The following FHIT variants were observed in gnomAD, a reference collection of about 807,000 sequenced individuals.
The protein encoded by FHIT is fragile histidine triad diadenosine triphosphatase, also known as bis(5'-adenosyl)-triphosphatase.
Under a neutral mutation model 17.9 loss-of-function variants are expected in FHIT, and 19 were observed. That is an observed-to-expected ratio of 1.06 (90% confidence interval 0.74 to 1.56). The LOEUF (loss-of-function observed/expected upper bound fraction) is 1.56, where lower values mean the gene tolerates loss of function less well. Among genes scored for constraint, FHIT ranks in the 40% most tolerant of loss-of-function variants. The pLI is 0.00. For synonymous variants in FHIT, 81 were observed against 69.7 expected, an observed-to-expected ratio of 1.16 and a Z score of -0.81; for missense variants, 248 against 189.2, an observed-to-expected ratio of 1.31 and a Z score of -1.82.
intron 1 of FHIT, among the ~76,000 whole-genome samples, chr3:61,206,500 G>C (rs1002611560): frequency 2.6e-4 from 40 of 152,134 alleles, no homozygotes; most frequent in African/African-American, 7.7e-4. Flanking sequence ...TCATTGAGCA[G>C]TGGTTTGTAG....
At chr3:60,228,819 G>A (rs1345296203) in intron 5 of FHIT, among the ~76,000 whole-genome samples, 3 of 152,176 alleles carry the variant, frequency 2.0e-5, no homozygotes, top group Admixed American at 6.5e-5. Flanking sequence ...GCAGAATGAA[G>A]GGGACTGGTT....
chr3:61,096,186 C>T (rs2035632632), intron 2 of FHIT, among the ~76,000 whole-genome samples: 1 of 152,142 alleles, frequency 6.6e-6, no homozygotes, highest in African/African-American at 2.4e-5. Context: ...TGATGCTGTG[C>T]AAGGAAGTTA....
chr3:60,110,081 A>G (rs1414417467), intron 5 of FHIT, among the ~76,000 whole-genome samples: 1 of 152,138 alleles, frequency 6.6e-6, no homozygotes, highest in Non-Finnish European at 1.5e-5. Context: ...TATAAAGGAA[A>G]CAGGAAACCT....
intron 5 of FHIT, among the ~76,000 whole-genome samples, chr3:60,369,730 G>C (rs947432961): frequency 6.6e-6 from 1 of 152,038 alleles, no homozygotes; most frequent in Non-Finnish European, 1.5e-5. Flanking sequence ...CACTGGCTGC[G>C]ACAGGACTCC....
intron 5 of FHIT, among the ~76,000 whole-genome samples, chr3:60,185,215 CCATTTA>C (rs1412124805): frequency 1.3e-5 from 2 of 151,980 alleles, no homozygotes; most frequent in Non-Finnish European, 2.9e-5. Context: ...CAGGTATCCA[CCATTTA>C]CAGCGTCAAA....
At chr3:61,062,600 A>G (rs540245579) in intron 2 of FHIT, among the ~76,000 whole-genome samples, 1 of 152,322 alleles carries the variant, frequency 6.6e-6, no homozygotes, top group African/African-American at 2.4e-5. Flanking sequence ...GACATTGAGA[A>G]TGGTTTCCCA....
intron 3 of FHIT, among the ~76,000 whole-genome samples, chr3:60,904,720 T>C (rs1236597721): frequency 6.6e-6 from 1 of 151,900 alleles, no homozygotes; most frequent in Non-Finnish European, 1.5e-5. Flanking sequence ...GGTGGGTGGA[T>C]CACAAGGTCA....
chr3:60,121,321 T>C (rs1224801518), intron 5 of FHIT, among the ~76,000 whole-genome samples: 1 of 152,158 alleles, frequency 6.6e-6, no homozygotes. Context: ...CAATCCAATA[T>C]AGTTTCCCCC....
At chr3:60,587,232 T>C (rs1330844207) in intron 4 of FHIT, among the ~76,000 whole-genome samples, 5 of 152,024 alleles carry the variant, frequency 3.3e-5, no homozygotes, top group Non-Finnish European at 1.5e-5. Flanking sequence ...ACCATCATCT[T>C]CAGCAAACTA....
At chr3:59,813,378 A>AG in intron 8 of FHIT, among the ~76,000 whole-genome samples, 1 of 152,304 alleles carries the variant, frequency 6.6e-6, no homozygotes, top group South Asian at 2.1e-4. Context: ...GGTTCGCCTG[A>AG]GGACGTACCC....
chr3:60,237,709 T>C (rs1704880491), intron 5 of FHIT, among the ~76,000 whole-genome samples: 1 of 152,174 alleles, frequency 6.6e-6, no homozygotes, highest in African/African-American at 2.4e-5. Flanking sequence ...CCACTGTTAT[T>C]GCTTCTTGGT....
chr3:60,575,825 G>A (rs1204225089), intron 4 of FHIT, among the ~76,000 whole-genome samples: 1 of 152,074 alleles, frequency 6.6e-6, no homozygotes, highest in Non-Finnish European at 1.5e-5. Context: ...GAACAATGAG[G>A]GATGCCGGGA....
At chr3:61,161,367 CA>C (rs1217419649) in intron 2 of FHIT, among the ~76,000 whole-genome samples, 4 of 151,868 alleles carry the variant, frequency 2.6e-5, no homozygotes, top group Non-Finnish European at 5.9e-5. Flanking sequence ...ACGCCCGGCT[CA>C]TTTTTTGTAT....
intron 5 of FHIT, among the ~76,000 whole-genome samples, chr3:60,044,536 A>T (rs1701571330): frequency 6.6e-6 from 1 of 152,110 alleles, no homozygotes; most frequent in Non-Finnish European, 1.5e-5. Flanking sequence ...GTAAGTGATG[A>T]CGGTACAGGA....
chr3:60,242,859 A>G (rs959332509), intron 5 of FHIT, among the ~76,000 whole-genome samples: 29 of 152,032 alleles, frequency 1.9e-4, no homozygotes, highest in African/African-American at 6.8e-4. Flanking sequence ...ATAAACACAT[A>G]CACATATGTG....
At chr3:60,067,704 C>T (rs1008713534) in intron 5 of FHIT, among the ~76,000 whole-genome samples, 4 of 152,134 alleles carry the variant, frequency 2.6e-5, no homozygotes, top group Non-Finnish European at 4.4e-5. Context: ...GACATGAAGG[C>T]TCAAGTGTTG....
In FHIT at chr3:61,208,305, G is replaced by C. The variant is rs556860897; in HGVS notation, c.-212-7640C>G. Among the ~76,000 whole-genome samples the C allele has an allele frequency of 5.0e-3, 755 of 152,046 alleles. 11 individuals carry two copies. The highest frequency in any genetic ancestry group is 0.017 in the African/African-American group (725 of 41,508). On this transcript the variant is annotated intron_variant, in intron 1 of 9. Transcript: ENST00000492590. Reference sequence around the variant, plus strand: ...ATGTATATTCTGTTGATATGGGGTGGAGAGTTCTCTAGATGTCTATTAGGT... The same window carrying C: ...ATGTATATTCTGTTGATATGGGGTGCAGAGTTCTCTAGATGTCTATTAGGT...
intron 6 of FHIT, 47 bp from the exon 7 acceptor site, chr3:60,011,447 T>A: frequency 6.7e-7 from 1 of 1,493,746 alleles, no homozygotes; most frequent in South Asian, 1.1e-5. Flanking sequence ...ATAGATGGTA[T>A]CTCCTGCTTA....
intron 8 of FHIT, among the ~76,000 whole-genome samples, chr3:59,800,700 T>C (rs570905378): frequency 3.8e-4 from 58 of 152,176 alleles, no homozygotes; most frequent in Non-Finnish European, 7.2e-4. Flanking sequence ...TCAATACTCA[T>C]TAACTCTGGG....
Sources: gnomAD v4.1 joint callset for allele counts (sites outside exome capture counted in the v4.1 genomes callset) on GRCh38, gnomAD v4.1.1 for gene constraint, MANE v1.5 for transcripts, NCBI Gene and HGNC (gene_info 2026-07-23, HGNC 2026-07-21) for gene names.